MGST2: variants seen among roughly 807,000 people sequenced by gnomAD.
The protein encoded by MGST2 is glutathione peroxidase MGST2.
A neutral mutation model predicts 16.6 loss-of-function variants in MGST2; 9 were observed. The ratio of observed to expected loss-of-function variants is 0.54; its 90% CI spans 0.33 to 0.95. The LOEUF is 0.95. Ranked by LOEUF, MGST2 falls within the 40% of genes least tolerant of loss-of-function variation. MGST2 has a pLI of 0.03. For synonymous variants in MGST2, 79 were observed against 68.0 expected (o/e 1.16, Z -0.79); for missense variants, 159 against 175.1 (o/e 0.91, Z 0.52).
downstream of MGST2, among the ~76,000 whole-genome samples, chr4:139,741,544 T>C (rs570056260): frequency 3.4e-4 from 52 of 152,112 alleles, no homozygotes; most frequent in Admixed American, 7.9e-4. Context: ...TTGAGTTCAG[T>C]TCAGGACCAG....
At chr4:139,707,225 C>T (rs1381095907), downstream of MGST2, among the ~76,000 whole-genome samples, 7 of 151,982 alleles carry the variant, frequency 4.6e-5, no homozygotes, top group Admixed American at 1.3e-4. Context: ...CAACAGTCCC[C>T]GGAGTGTGAT....
chr4:139,715,446 G>A lies in MGST2; in HGVS notation c.*48+11250G>A, dbSNP rs1011199160. 6.6e-6 allele frequency among the ~76,000 whole-genome samples: 1 copy of A among 151,622 alleles called. No homozygotes were observed. On this transcript the variant is annotated intron_variant, in intron 5 of 5. Transcript: ENST00000616265. The surrounding 1 kb of genome is among the most constrained non-coding windows in gnomAD (Gnocchi z 4.4). Reference sequence around the variant, plus strand: ...CAGAGAAATGTGTTACAGGAAAGGGGTCCTGATGCAGACCCCAAGAGAGGG... The same window carrying A: ...CAGAGAAATGTGTTACAGGAAAGGGATCCTGATGCAGACCCCAAGAGAGGG...
chr4:139,726,867 A>G (rs1728493128), intron 5 of MGST2, among the ~76,000 whole-genome samples: 1 of 152,184 alleles, frequency 6.6e-6, no homozygotes, highest in Non-Finnish European at 1.5e-5. Context: ...AGGGAAAGAA[A>G]ATAAGAGTGA....
downstream of MGST2, among the ~76,000 whole-genome samples, chr4:139,742,144 CTTTTCTT>C (rs36215138): frequency 0.23 from 28,771 of 127,500 alleles, 2,769 homozygotes; most frequent in African/African-American, 0.31. Context: ...CTTTTCTTTT[CTTTTCTT>C]TTTTTTTTTT....
chr4:139,741,891 C>T (rs62322603), downstream of MGST2, among the ~76,000 whole-genome samples: 5 of 151,786 alleles, frequency 3.3e-5, no homozygotes, highest in African/African-American at 9.7e-5. Context: ...ATTTTTAAAA[C>T]GCCCTATTGT....
downstream of MGST2, among the ~76,000 whole-genome samples, chr4:139,743,733 G>A (rs1278591171): frequency 6.6e-6 from 1 of 152,084 alleles, no homozygotes; most frequent in East Asian, 1.9e-4. Context: ...TTGTACTGAA[G>A]GTTACTTTCT....
At chr4:139,747,004 G>A in the MGST2 span, among the ~76,000 whole-genome samples, 1 of 152,196 alleles carries the variant, frequency 6.6e-6, no homozygotes, top group Non-Finnish European at 1.5e-5. Context: ...CCCAAGGCTT[G>A]CAGCAATTGC....
Position 139,696,918 on chromosome 4 carries a change from A to C in MGST2, c.229+1651A>C, listed in dbSNP as rs1009619241. Among the ~76,000 whole-genome samples the C allele has an allele frequency of 2.0e-5, 3 of 152,098 alleles. No individual in the cohort carries two copies. In the South Asian group the frequency reaches 6.2e-4, roughly 32 times the overall value. ...GATAACCCCCTGATTTAGAGGCTGA[A>C]TTAAAGATGTTGTGTTTGGGGGCAA... On this transcript the variant is annotated intron_variant, in intron 3 of 4. Transcript: ENST00000265498.
chr4:139,722,215 C>A lies in MGST2; in HGVS notation c.*49-17997C>A, dbSNP rs369805391. On this transcript the variant is annotated intron_variant, in intron 5 of 5. Transcript: ENST00000616265. ...ATAGGCAGTGATACATTAATCCAAG[C>A]CAACCTTTATTTTTTATTTAGTGTA... is the stretch of plus-strand genomic sequence containing the variant. 3.3e-5 allele frequency among the ~76,000 whole-genome samples: 5 copies of A among 152,262 alleles called. No homozygotes were observed. The East Asian group carries it at 5.8e-4, about 18-fold the overall frequency.
At chr4:139,702,520 T>C (rs1287838106) in intron 3 of MGST2, among the ~76,000 whole-genome samples, 1 of 152,192 alleles carries the variant, frequency 6.6e-6, no homozygotes, top group East Asian at 1.9e-4. Context: ...TTGTGTTGCA[T>C]AGATCTGTTT....
intron 5 of MGST2, among the ~76,000 whole-genome samples, chr4:139,729,652 G>A (rs1458474394): frequency 6.6e-6 from 1 of 152,150 alleles, no homozygotes; most frequent in Non-Finnish European, 1.5e-5. Context: ...ACAGCCTCAG[G>A]CCTTTCCCTA....
chr4:139,702,582 T>C (rs1241442248), intron 3 of MGST2, among the ~76,000 whole-genome samples: 2 of 152,214 alleles, frequency 1.3e-5, no homozygotes, highest in African/African-American at 4.8e-5. Flanking sequence ...CTCCTGTTGA[T>C]AGGCTTCTGG....
At chr4:139,751,317 T>A in the MGST2 span, among the ~76,000 whole-genome samples, 1 of 152,340 alleles carries the variant, frequency 6.6e-6, no homozygotes. Flanking sequence ...ATTACGAATT[T>A]CTTGGGATTT....
At position 139,719,957 on chromosome 4, in the gene MGST2, T is replaced by C. The variant is rs763537110; in HGVS notation, c.*48+15761T>C. On this transcript the variant is annotated intron_variant, in intron 5 of 5. Coordinates refer to the MGST2 transcript ENST00000616265. ...TACTGGCCCTTTCATCTGTGGATGT[T>C]GCTGGGTAATGGCTGAGTTCACCAG... 8 of 1,614,074 alleles carry C rather than the reference T, an allele frequency of 5.0e-6. No individual in the cohort carries two copies. In the South Asian group the frequency reaches 8.8e-5, roughly 18 times the overall value.
Position 139,715,741 on chromosome 4 carries a change from T to C in MGST2, c.*48+11545T>C, listed in dbSNP as rs1204990597. On this transcript the variant is annotated intron_variant, in intron 5 of 5. Coordinates refer to the MGST2 transcript ENST00000616265. The surrounding 1 kb of genome is among the most constrained non-coding windows in gnomAD (Gnocchi z 4.4). ...CATGGCACTGGTGGGAGTGTGGCAG[T>C]GAGGACGACCAGAGGTCACCCTCGT... 6.6e-6 allele frequency among the ~76,000 whole-genome samples: 1 copy of C among 152,166 alleles called. No individual in the cohort carries two copies. Among genetic ancestry groups the C allele is most frequent in the Non-Finnish European group, 1.5e-5 (1 of 68,018 alleles).
chr4:139,751,088 T>C, the MGST2 span, among the ~76,000 whole-genome samples: 16 of 152,332 alleles, frequency 1.1e-4, 1 homozygote, highest in East Asian at 1.7e-3. Flanking sequence ...GCCTGCAGAG[T>C]AGGCAAAGAA....
At chr4:139,728,935 G>A (rs1171857067) in intron 5 of MGST2, among the ~76,000 whole-genome samples, 2 of 152,094 alleles carry the variant, frequency 1.3e-5, no homozygotes, top group African/African-American at 4.8e-5. Flanking sequence ...AAAACATCAG[G>A]CACACCTGAG....
rs61416191 is a variant in MGST2 at position 139,693,126 on chromosome 4, T to C, written c.159-2071T>C. On this transcript the variant is annotated intron_variant, in intron 2 of 4. Transcript: ENST00000265498. Reference sequence around the variant, plus strand: ...TTTCCAAAAAAGTTCATATAAAATTTCAGTGAGTGGGCTGGGCGCGGTGGC... The same window carrying C: ...TTTCCAAAAAAGTTCATATAAAATTCCAGTGAGTGGGCTGGGCGCGGTGGC... Among the ~76,000 whole-genome samples, 132 of 152,320 alleles carry C rather than the reference T, an allele frequency of 8.7e-4. 1 individual carries two copies. Among genetic ancestry groups the C allele is most frequent in the African/African-American group, 3.0e-3 (124 of 41,584 alleles).
intron 3 of MGST2, among the ~76,000 whole-genome samples, chr4:139,703,205 G>A (rs1260205146): frequency 1.3e-5 from 2 of 152,028 alleles, no homozygotes; most frequent in Non-Finnish European, 2.9e-5. Context: ...GGGAATACAG[G>A]CCTGAGCTAC....
Sources: gnomAD v4.1 joint callset for allele counts (sites outside exome capture counted in the v4.1 genomes callset) on GRCh38, gnomAD v4.1.1 for gene constraint, Gnocchi (gnomAD v3.1) non-coding constraint, MANE v1.5 for transcripts, NCBI Gene and HGNC (gene_info 2026-07-23, HGNC 2026-07-21) for gene names.